CPEB1: variants seen among roughly 807,000 people sequenced by gnomAD.
The protein encoded by CPEB1 is cytoplasmic polyadenylation element-binding protein 1.
A neutral mutation model predicts 65.8 loss-of-function variants in CPEB1; 7 were observed. That is an observed-to-expected ratio of 0.11 (90% CI 0.06 to 0.20). CPEB1 has a LOEUF of 0.20. CPEB1 is among the 10% of genes least tolerant of loss of function. CPEB1 has a pLI of 1.00. For synonymous variants in CPEB1, 262 were observed against 260.0 expected, an observed-to-expected ratio of 1.01 and a Z score of -0.08; for missense variants, 551 against 712.2, an observed-to-expected ratio of 0.77 and a Z score of 2.58.
chr15:82,546,358 G>A, intron 12 of CPEB1, 83 bp downstream of exon 12: 1 of 1,101,356 alleles, frequency 9.1e-7, no homozygotes, highest in Admixed American at 1.8e-5. Flanking sequence ...GCATCCCAAA[G>A]TGCTGGGATT....
At chr15:82,587,400 T>A (rs563217934) in intron 3 of CPEB1, among the ~76,000 whole-genome samples, 1 of 152,326 alleles carries the variant, frequency 6.6e-6, no homozygotes, top group South Asian at 2.1e-4. Flanking sequence ...ATGCAATCAA[T>A]TGCGAAAACT....
At chr15:82,594,384 GA>G (rs2042513769) in intron 3 of CPEB1, among the ~76,000 whole-genome samples, 1 of 144,906 alleles carries the variant, frequency 6.9e-6, no homozygotes, top group Non-Finnish European at 1.5e-5. Flanking sequence ...GAAAAGAAAA[GA>G]AAAAGAAAAA....
chr15:82,605,814 G>A (rs1289644990), intron 3 of CPEB1, among the ~76,000 whole-genome samples: 4 of 151,966 alleles, frequency 2.6e-5, no homozygotes, highest in Non-Finnish European at 4.4e-5. Flanking sequence ...TGAGGTGGGC[G>A]GATCACCTGA....
At chr15:82,603,734 C>T (rs1241748926) in intron 3 of CPEB1, among the ~76,000 whole-genome samples, 5 of 151,874 alleles carry the variant, frequency 3.3e-5, no homozygotes, top group East Asian at 3.9e-4. Flanking sequence ...CATCATTAGC[C>T]GACTACTAAG....
intron 3 of CPEB1, among the ~76,000 whole-genome samples, chr15:82,600,897 CTTTTT>C (rs751843256): frequency 4.7e-5 from 3 of 64,186 alleles, no homozygotes; most frequent in Admixed American, 2.1e-4. Flanking sequence ...CAGAACTTGT[CTTTTT>C]TTTTTTTTTT....
intron 3 of CPEB1, among the ~76,000 whole-genome samples, chr15:82,592,577 C>CA (rs71453399): frequency 0.055 from 4,645 of 85,144 alleles, 149 homozygotes; most frequent in African/African-American, 0.12. Context: ...GATATTGTCT[C>CA]AAAAAAAAAA....
intron 3 of CPEB1, among the ~76,000 whole-genome samples, chr15:82,605,398 G>A (rs185684107): frequency 1.6e-4 from 25 of 152,132 alleles, no homozygotes; most frequent in Admixed American, 7.8e-4. Flanking sequence ...ATGGGGGCGG[G>A]ATAAGAAGGT....
intron 3 of CPEB1, among the ~76,000 whole-genome samples, chr15:82,578,987 C>T (rs1011301474): frequency 6.6e-6 from 1 of 152,050 alleles, no homozygotes; most frequent in African/African-American, 2.4e-5. Context: ...CCACGCCCAG[C>T]TAATTTTTGA....
intron 3 of CPEB1, chr15:82,573,248 T>C: frequency 8.3e-7 from 1 of 1,209,348 alleles, no homozygotes; most frequent in East Asian, 2.6e-5. Flanking sequence ...TTTTTTTTTT[T>C]TAAAGCTTTG....
chr15:82,552,373 G>T (rs2036423819), intron 9 of CPEB1, 107 bp downstream of exon 9: 1 of 1,071,458 alleles, frequency 9.3e-7, no homozygotes, highest in Non-Finnish European at 1.3e-6. Flanking sequence ...TCTTGCCTCA[G>T]CAGGAATACT....
rs1354139924 is a variant in CPEB1, at chr15:82,544,805, TC to T, written c.1657-104del. The T allele has an allele frequency of 3.6e-6, 3 of 824,274 alleles. No homozygotes were observed. In the African/African-American group the frequency reaches 5.1e-5, roughly 14 times the overall value. 51.1% of individuals were successfully genotyped at this position (824,274 alleles called of 1,614,324 possible). ...TTCTGTTTGGAGAAGGGTGGGAGAC[TC>T]CCGATGGCCTCTGTGGGTTAGAAGA... On this transcript the variant is annotated intron_variant, in intron 12 of 12. Transcript: ENST00000684509.
intron 4 of CPEB1, among the ~76,000 whole-genome samples, chr15:82,567,555 G>A (rs1191505234): frequency 6.6e-6 from 1 of 151,948 alleles, no homozygotes; most frequent in East Asian, 1.9e-4. Context: ...AGGATTGCTT[G>A]AACCCGGGAG....
chr15:82,555,458 A>C (rs2037031780), intron 6 of CPEB1, among the ~76,000 whole-genome samples: 1 of 152,238 alleles, frequency 6.6e-6, no homozygotes, highest in African/African-American at 2.4e-5. Flanking sequence ...CTCCAGCATG[A>C]GTTGTGTCTG....
At chr15:82,588,934 C>G (rs561837231) in intron 3 of CPEB1, among the ~76,000 whole-genome samples, 2 of 152,286 alleles carry the variant, frequency 1.3e-5, no homozygotes, top group Admixed American at 1.3e-4. Flanking sequence ...TTAATTGTCC[C>G]TCTTTTCCCC....
rs150675773 is a variant in CPEB1, at chr15:82,545,256, G to C, written c.1657-554C>G. Among the ~76,000 whole-genome samples the C allele has an allele frequency of 4.8e-3, 737 of 152,224 alleles. 12 individuals carry two copies. Among genetic ancestry groups the C allele is most frequent in the Non-Finnish European group, 4.4e-3 (300 of 68,020 alleles). On this transcript the variant is annotated intron_variant, in intron 12 of 12. Coordinates refer to ENST00000684509, the MANE Select transcript of CPEB1 (RefSeq NM_001365242.1). ...AAAGATCCAGATCCATAAAAGCCTC[G>C]TAGATGAGGCTGATCAGAGAGATAC...
rs11320676 is a variant in CPEB1 at position 82,584,677 on chromosome 15, C to CAAA, written c.272-13148_272-13146dup. ...TGGGCAAGACAGAGCGAGACTCCAT[C>CAAA]AAAAAAAAAAAAAAAAAAATCCCAT... On this transcript the variant is annotated intron_variant, in intron 3 of 12. Transcript: ENST00000684509. 2.6e-3 allele frequency among the ~76,000 whole-genome samples: 215 copies of CAAA among 83,676 alleles called. 2 individuals carry two copies. Among genetic ancestry groups the CAAA allele is most frequent in the African/African-American group, 8.3e-3 (212 of 25,436 alleles). 54.9% of individuals were successfully genotyped at this position (83,676 alleles called of 152,430 possible). A position where few individuals can be genotyped will look rare whatever the true frequency, so the allele number is the denominator to read the frequency against.
intron 3 of CPEB1, among the ~76,000 whole-genome samples, chr15:82,590,105 C>T (rs1360070248): frequency 6.7e-6 from 1 of 149,178 alleles, no homozygotes; most frequent in African/African-American, 2.5e-5. Flanking sequence ...GACACAGTAT[C>T]TGCACTTTTC....
intron 3 of CPEB1, among the ~76,000 whole-genome samples, chr15:82,604,141 G>T (rs939516265): frequency 6.6e-6 from 1 of 152,136 alleles, no homozygotes; most frequent in Non-Finnish European, 1.5e-5. Flanking sequence ...TTGAGGCCAG[G>T]AGTTCAAGCC....
chr15:82,615,660 T>C (rs970430469), intron 3 of CPEB1, among the ~76,000 whole-genome samples: 2 of 152,156 alleles, frequency 1.3e-5, no homozygotes, highest in African/African-American at 2.4e-5. Flanking sequence ...TCAAGTTGGA[T>C]TTACAGCTAT....
Sources: allele counts gnomAD v4.1 joint callset (sites outside exome capture counted in the v4.1 genomes callset), GRCh38; gene constraint gnomAD v4.1.1; transcripts MANE v1.5; gene names NCBI Gene and HGNC (gene_info 2026-07-23, HGNC 2026-07-21).